HDAC9: variants seen among roughly 807,000 people sequenced by gnomAD.
HDAC9 encodes the protein histone deacetylase 9, also known as MEF-2 interacting transcription repressor (MITR) protein.
A neutral mutation model predicts 139.4 loss-of-function variants in HDAC9; 41 were observed. The observed-to-expected ratio is 0.29, with a 90% confidence interval of 0.23 to 0.38. The LOEUF is 0.38. HDAC9 is among the 10% of genes least tolerant of loss of function. HDAC9 has a pLI of 1.00. For synonymous variants in HDAC9, 517 were observed against 476.2 expected (o/e 1.09, Z -1.12); for missense variants, 1,147 against 1,297.0 (o/e 0.88, Z 1.78).
intron 2 of HDAC9, among the ~76,000 whole-genome samples, chr7:18,510,006 G>C (rs1800984308): frequency 6.6e-6 from 1 of 152,142 alleles, no homozygotes; most frequent in African/African-American, 2.4e-5. Context: ...ATTGCACAAT[G>C]TGTTTTTATA....
chr7:18,629,312 A>AT, intron 6 of HDAC9, 38 bp from the exon 7 acceptor site: 1 of 1,490,930 alleles, frequency 6.7e-7, no homozygotes. Context: ...TATTTTTTTA[A>AT]TTTTTATCTA....
chr7:18,170,064 G>A (rs1036239688), intron 2 of HDAC9, among the ~76,000 whole-genome samples: 3 of 152,106 alleles, frequency 2.0e-5, no homozygotes, highest in South Asian at 2.1e-4. Flanking sequence ...GAACTAGTTT[G>A]CACTCCCACC....
At chr7:18,254,772 A>C (rs1795126862) in intron 2 of HDAC9, among the ~76,000 whole-genome samples, 1 of 152,218 alleles carries the variant, frequency 6.6e-6, no homozygotes, top group African/African-American at 2.4e-5. Flanking sequence ...AGTTTAGAGC[A>C]CTGTGTACTT....
At chr7:18,923,377 ATCTCATT>A (rs1803931392) in intron 22 of HDAC9, among the ~76,000 whole-genome samples, 3 of 152,098 alleles carry the variant, frequency 2.0e-5, no homozygotes, top group Non-Finnish European at 4.4e-5. Flanking sequence ...TAGTTGCCTA[ATCTCATT>A]ATAGACCCTT....
At chr7:18,644,205 T>C (rs1291249536) in intron 8 of HDAC9, among the ~76,000 whole-genome samples, 1 of 152,148 alleles carries the variant, frequency 6.6e-6, no homozygotes, top group Non-Finnish European at 1.5e-5. Flanking sequence ...GGAAGCCCTA[T>C]ATGGTGATAT....
chr7:18,273,613 T>C (rs2128215574), intron 2 of HDAC9, among the ~76,000 whole-genome samples: 1 of 152,152 alleles, frequency 6.6e-6, no homozygotes, highest in Non-Finnish European at 1.5e-5. Context: ...AAATGGAAAT[T>C]GGAGGATATT....
chr7:18,966,631 G>A (rs185252068), intron 24 of HDAC9, among the ~76,000 whole-genome samples: 59 of 152,200 alleles, frequency 3.9e-4, no homozygotes, highest in Middle Eastern at 3.4e-3. Context: ...AACCCGGGAG[G>A]CAGAGGTTAC....
chr7:18,883,075 A>C (rs1248028711), intron 22 of HDAC9, among the ~76,000 whole-genome samples: 1 of 152,186 alleles, frequency 6.6e-6, no homozygotes, highest in African/African-American at 2.4e-5. Context: ...AAAATAAAGC[A>C]TTATTATTTT....
At chr7:18,875,178 A>G (rs559500428) in intron 22 of HDAC9, among the ~76,000 whole-genome samples, 5 of 152,242 alleles carry the variant, frequency 3.3e-5, no homozygotes, top group Admixed American at 3.3e-4. Context: ...TTTATGTTAC[A>G]GTGCATTTGA....
At chr7:18,169,605 C>T (rs1788264208) in intron 2 of HDAC9, among the ~76,000 whole-genome samples, 1 of 152,046 alleles carries the variant, frequency 6.6e-6, no homozygotes, top group South Asian at 2.1e-4. Context: ...TGCTATCCCT[C>T]CCCCTGTCCC....
At chr7:18,855,872 C>T (rs998795163) in intron 21 of HDAC9, among the ~76,000 whole-genome samples, 1 of 152,106 alleles carries the variant, frequency 6.6e-6, no homozygotes, top group Non-Finnish European at 1.5e-5. Context: ...CCTTCTTTTA[C>T]TTCTGTGCAC....
chr7:18,367,809 G>C (rs887048338), intron 1 of HDAC9, among the ~76,000 whole-genome samples: 1 of 152,062 alleles, frequency 6.6e-6, no homozygotes, highest in Non-Finnish European at 1.5e-5. Context: ...AGCAGCCTAT[G>C]AAGGCTGCTA....
intron 2 of HDAC9, among the ~76,000 whole-genome samples, chr7:18,253,679 G>C (rs375198335): frequency 1.3e-5 from 2 of 152,102 alleles, no homozygotes; most frequent in Non-Finnish European, 2.9e-5. Context: ...GTTAGTATTC[G>C]TGGTAAGGGG....
chr7:18,654,995 GT>G (rs1790628630), intron 11 of HDAC9, among the ~76,000 whole-genome samples: 1 of 152,186 alleles, frequency 6.6e-6, no homozygotes, highest in Non-Finnish European at 1.5e-5. Context: ...CATTGCCGTT[GT>G]TTTAGATTGG....
chr7:18,089,931 G>A (rs1174645313), intron 1 of HDAC9, among the ~76,000 whole-genome samples: 1 of 141,514 alleles, frequency 7.1e-6, no homozygotes, highest in Non-Finnish European at 1.6e-5. Flanking sequence ...TTTTTTGTTT[G>A]TTTTAAAATA....
At chr7:18,181,192 C>T (rs113608534) in intron 2 of HDAC9, among the ~76,000 whole-genome samples, 107 of 152,230 alleles carry the variant, frequency 7.0e-4, no homozygotes, top group Non-Finnish European at 9.7e-4. Context: ...AGCTACTAAA[C>T]GCCTGAAATA....
rs549241530 is a variant in HDAC9, at chr7:18,448,415, A to G, written c.-41-47847A>G. ...GCAAGAAAGCATTAAAAGAAAAAAT[A>G]TCACCTTTGATCCCATAACCAAGAA... On this transcript the variant is annotated intron_variant, in intron 1 of 3. Transcript: ENST00000413509. 2.0e-5 allele frequency among the ~76,000 whole-genome samples: 3 copies of G among 152,344 alleles called. No homozygotes were observed. In the South Asian group the frequency reaches 6.2e-4, roughly 32 times the overall value.
At chr7:18,398,369 G>A (rs538935391) in intron 1 of HDAC9, among the ~76,000 whole-genome samples, 1 of 152,296 alleles carries the variant, frequency 6.6e-6, no homozygotes, top group Non-Finnish European at 1.5e-5. Flanking sequence ...TATGCTTAAT[G>A]TGAACATTGT....
At chr7:18,941,251 C>G (rs1182417818) in intron 23 of HDAC9, among the ~76,000 whole-genome samples, 1 of 151,684 alleles carries the variant, frequency 6.6e-6, no homozygotes, top group Non-Finnish European at 1.5e-5. Flanking sequence ...CTCCCTCCCT[C>G]TCTCCAGTTT....
Sources: allele counts gnomAD v4.1 joint callset (sites outside exome capture counted in the v4.1 genomes callset), GRCh38; gene constraint gnomAD v4.1.1; transcripts MANE v1.5; gene names NCBI Gene and HGNC (gene_info 2026-07-23, HGNC 2026-07-21).